The following ITGB3BP variants were observed in gnomAD, a reference collection of about 807,000 sequenced individuals.
The protein encoded by ITGB3BP is integrin subunit beta 3 binding protein, also known as centromere protein R.
Under a neutral mutation model 29.1 loss-of-function variants are expected in ITGB3BP, and 27 were observed. That is an observed-to-expected ratio of 0.93 (90% confidence interval 0.68 to 1.28). The LOEUF is 1.28. Among genes scored for constraint, ITGB3BP ranks in the 50% most tolerant of loss-of-function variants. ITGB3BP has a pLI of 0.00. For synonymous variants in ITGB3BP, 61 were observed against 61.4 expected (o/e 0.99, Z 0.03); for missense variants, 192 against 200.2 (o/e 0.96, Z 0.25).
chr1:63,454,243 CTTAT>C lies in ITGB3BP; in HGVS notation c.427+133_427+136del, dbSNP rs1248521427. On this transcript the variant is annotated intron_variant, in intron 6 of 8. Coordinates refer to ENST00000271002, the MANE Select transcript of ITGB3BP (RefSeq NM_014288.5). This position sits in a 1 kb window ranked among gnomAD's most constrained non-coding sequence, Gnocchi z 4.1. ...CATCCTGATAAAAGACATGTGGCTT[CTTAT>C]TTAAAGAAGGTAATAGTATTTTTAT... The C allele has an allele frequency of 7.9e-6, 4 of 505,234 alleles. No homozygotes were observed. Among genetic ancestry groups the C allele is most frequent in the African/African-American group, 2.0e-5 (1 of 50,318 alleles). 31.3% of individuals were successfully genotyped at this position (505,234 alleles called of 1,614,324 possible). A position where few individuals can be genotyped will look rare whatever the true frequency, so the allele number is the denominator to read the frequency against.
At chr1:63,455,717 CTTA>C (rs1354072954) in intron 4 of ITGB3BP, among the ~76,000 whole-genome samples, 6 of 152,092 alleles carry the variant, frequency 3.9e-5, no homozygotes, top group African/African-American at 1.4e-4. Flanking sequence ...TAAACATTCC[CTTA>C]TTGTTAAAAT....
At chr1:63,474,456 C>T (rs1313053148) in intron 4 of ITGB3BP, among the ~76,000 whole-genome samples, 68 of 151,248 alleles carry the variant, frequency 4.5e-4, no homozygotes, top group African/African-American at 1.3e-3. Flanking sequence ...AATAGAAAGG[C>T]GGGAAGGGTG....
intron 2 of ITGB3BP, among the ~76,000 whole-genome samples, chr1:63,496,478 T>C (rs1014781454): frequency 2.0e-5 from 3 of 152,160 alleles, no homozygotes; most frequent in Admixed American, 6.6e-5. Context: ...AAATGATGTA[T>C]CTTGTGAATT....
chr1:63,525,818 C>A, upstream of ITGB3BP: 1 of 1,181,886 alleles, frequency 8.5e-7, no homozygotes, highest in Non-Finnish European at 1.2e-6. Flanking sequence ...TAAATAGGTC[C>A]GAAAGACTGA....
At chr1:63,516,349 G>GGGGAA (rs138274469) in intron 1 of ITGB3BP, among the ~76,000 whole-genome samples, 26,216 of 83,886 alleles carry the variant, frequency 0.31, 4,722 homozygotes, top group East Asian at 0.44. Flanking sequence ...AAGCGGAGCG[G>GGGGAA]GGGAAGGTGG....
rs769652281 is a variant in ITGB3BP at position 63,454,542 on chromosome 1, A to G, written c.334-69T>C. The stretch of plus-strand genomic sequence containing the variant: ...TGAGATTACTGACATGTCTAGTGAA[A>G]ATACAGTATATTGTTTCCTTCATTT... On this transcript the variant is annotated intron_variant, in intron 5 of 8. Transcript: ENST00000271002. The surrounding 1 kb of genome is among the most constrained non-coding windows in gnomAD (Gnocchi z 4.1). 4.2e-6 allele frequency: 3 copies of G among 720,360 alleles called. No individual in the cohort carries two copies. Among genetic ancestry groups the G allele is most frequent in the Non-Finnish European group, 7.1e-6 (3 of 421,874 alleles). 44.6% of individuals were successfully genotyped at this position (720,360 alleles called of 1,614,324 possible).
intron 2 of ITGB3BP, among the ~76,000 whole-genome samples, chr1:63,500,853 T>G (rs896388166): frequency 6.6e-6 from 1 of 152,184 alleles, no homozygotes; most frequent in African/African-American, 2.4e-5. Context: ...AACAACAAAG[T>G]TGAAGGACTC....
intron 7 of ITGB3BP, among the ~76,000 whole-genome samples, chr1:63,450,937 G>T (rs750646749): frequency 6.6e-6 from 1 of 151,654 alleles, no homozygotes; most frequent in African/African-American, 2.4e-5. Context: ...AATTTCTCTT[G>T]AATAAGTTAT....
intron 3 of ITGB3BP, among the ~76,000 whole-genome samples, chr1:63,487,127 A>T (rs537315476): frequency 6.6e-6 from 1 of 151,988 alleles, no homozygotes; most frequent in Non-Finnish European, 1.5e-5. Flanking sequence ...ATGGTAAATG[A>T]TAGACTAGTA....
chr1:63,497,651 C>T (rs1645821843), intron 2 of ITGB3BP, among the ~76,000 whole-genome samples: 1 of 152,138 alleles, frequency 6.6e-6, no homozygotes, highest in African/African-American at 2.4e-5. Context: ...GGCCACAAGA[C>T]AAGAGAAGGA....
chr1:63,465,648 C>T (rs1645087351), intron 4 of ITGB3BP, among the ~76,000 whole-genome samples: 1 of 152,014 alleles, frequency 6.6e-6, no homozygotes, highest in Non-Finnish European at 1.5e-5. Flanking sequence ...ACTTGACCTC[C>T]CAAAGTGCTG....
chr1:63,447,872 A>T (rs1045643881), intron 7 of ITGB3BP: 1 of 282,340 alleles, frequency 3.5e-6, no homozygotes, highest in Non-Finnish European at 7.2e-6. Flanking sequence ...ATAAAGACAC[A>T]TGCACACGTA....
At chr1:63,507,418 G>A (rs547669610) in intron 2 of ITGB3BP, among the ~76,000 whole-genome samples, 3 of 152,206 alleles carry the variant, frequency 2.0e-5, no homozygotes, top group Admixed American at 6.5e-5. Context: ...TGAAGAGAAC[G>A]GGTTCTGAAA....
At chr1:63,505,106 CTCTGGTAGAATTCGGCTGTGAATCCA>C (rs1646042707) in intron 2 of ITGB3BP, among the ~76,000 whole-genome samples, 1 of 152,102 alleles carries the variant, frequency 6.6e-6, no homozygotes, top group Non-Finnish European at 1.5e-5. Context: ...CTCCTTGTAC[CTCTGGTAGAATTCGGCTGTGAATCCA>C]TCTGGTCCTG....
chr1:63,517,817 G>A (rs1646367293), intron 1 of ITGB3BP, among the ~76,000 whole-genome samples: 1 of 152,142 alleles, frequency 6.6e-6, no homozygotes, highest in Admixed American at 6.6e-5. Flanking sequence ...GACTTCCTCG[G>A]CTCAAGTGAT....
At chr1:63,522,944 G>A (rs1277810649) in intron 1 of ITGB3BP, 185 bp downstream of exon 1, 1 of 786,628 alleles carries the variant, frequency 1.3e-6, no homozygotes, top group South Asian at 1.4e-5. Flanking sequence ...GAGGACTATC[G>A]TATGAGTACC....
chr1:63,468,465 C>T (rs910145031), intron 4 of ITGB3BP, among the ~76,000 whole-genome samples: 2 of 152,156 alleles, frequency 1.3e-5, no homozygotes, highest in Admixed American at 6.5e-5. Context: ...CGGTGGCTCA[C>T]GCCTGTAATC....
chr1:63,478,313 C>A (rs1034515654), intron 4 of ITGB3BP, among the ~76,000 whole-genome samples: 1 of 152,162 alleles, frequency 6.6e-6, no homozygotes, highest in Non-Finnish European at 1.5e-5. Context: ...TCAAAGGAAC[C>A]ACCAGCAGGA....
In ITGB3BP at chr1:63,462,291, T is replaced by C. The variant is rs183054641; in HGVS notation, c.255-7323A>G. Among the ~76,000 whole-genome samples the C allele has an allele frequency of 1.6e-4, 24 of 152,358 alleles. No individual in the cohort carries two copies. The East Asian group carries it at 4.0e-3, about 26-fold the overall frequency. On this transcript the variant is annotated intron_variant, in intron 4 of 8. Transcript: ENST00000271002. The stretch of plus-strand genomic sequence containing the variant: ...CCTATTCAAATTCATTACAGGTATA[T>C]GGAAACTGATTTTTGTGTGTTGATC...
Sources: gnomAD v4.1 joint callset for allele counts (sites outside exome capture counted in the v4.1 genomes callset) on GRCh38, gnomAD v4.1.1 for gene constraint, Gnocchi (gnomAD v3.1) non-coding constraint, MANE v1.5 for transcripts, NCBI Gene and HGNC (gene_info 2026-07-23, HGNC 2026-07-21) for gene names.